The following LRMDA variants were observed in gnomAD, a reference collection of about 807,000 sequenced individuals.
LRMDA encodes leucine-rich melanocyte differentiation-associated protein.
A neutral mutation model predicts 29.8 loss-of-function variants in LRMDA; 18 were observed. That is an observed-to-expected ratio of 0.60 (90% confidence interval 0.42 to 0.90). LRMDA has a LOEUF of 0.90. LRMDA is among the 40% of genes least tolerant of loss of function. The probability of loss-of-function intolerance (pLI) is 0.00; values close to 1 mark genes in which losing one functional copy is unlikely to be tolerated. For synonymous variants in LRMDA, 125 were observed against 109.4 expected, an observed-to-expected ratio of 1.14 and a Z score of -0.89; for missense variants, 273 against 273.9, an observed-to-expected ratio of 1.00 and a Z score of 0.02.
At chr10:76,299,458 C>T (rs924611072) in intron 5 of LRMDA, among the ~76,000 whole-genome samples, 2 of 152,088 alleles carry the variant, frequency 1.3e-5, no homozygotes, top group Non-Finnish European at 2.9e-5. Flanking sequence ...AAGGTTTTAC[C>T]TGGACCCAGA....
intron 5 of LRMDA, among the ~76,000 whole-genome samples, chr10:76,310,577 T>C (rs1413582238): frequency 1.3e-5 from 2 of 152,202 alleles, no homozygotes; most frequent in African/African-American, 4.8e-5. Context: ...CTGAGTTTTG[T>C]TTCTAAGCTG....
intron 5 of LRMDA, among the ~76,000 whole-genome samples, chr10:76,313,152 G>A (rs1214289019): frequency 6.6e-6 from 1 of 152,176 alleles, no homozygotes; most frequent in Non-Finnish European, 1.5e-5. Context: ...GAACTTAAGT[G>A]AGAGCTTTGT....
intron 5 of LRMDA, among the ~76,000 whole-genome samples, chr10:76,073,578 T>A (rs1848909262): frequency 6.6e-6 from 1 of 152,196 alleles, no homozygotes; most frequent in Non-Finnish European, 1.5e-5. Flanking sequence ...TGTGTATGTG[T>A]GTTTCCTTTA....
intron 2 of LRMDA, among the ~76,000 whole-genome samples, chr10:75,517,606 A>G (rs191044872): frequency 5.8e-4 from 88 of 152,280 alleles, no homozygotes; most frequent in African/African-American, 1.9e-3. Context: ...TGGGGCTGAG[A>G]TGATGGGGTT....
chr10:76,039,198 T>A (rs1848302202), intron 3 of LRMDA, among the ~76,000 whole-genome samples: 1 of 152,236 alleles, frequency 6.6e-6, no homozygotes, highest in Non-Finnish European at 1.5e-5. Flanking sequence ...ACAGGGTGTA[T>A]GTATAAAGAA....
chr10:76,201,034 A>T (rs940812178), intron 5 of LRMDA, among the ~76,000 whole-genome samples: 1 of 147,210 alleles, frequency 6.8e-6, no homozygotes, highest in African/African-American at 2.5e-5. Flanking sequence ...TTTATTTCGT[A>T]ACGCTTAGTG....
chr10:76,323,211 G>A (rs1292157316), intron 5 of LRMDA, among the ~76,000 whole-genome samples: 1 of 152,056 alleles, frequency 6.6e-6, no homozygotes, highest in Admixed American at 6.6e-5. Context: ...CACTCTTCCT[G>A]TAAGTCTCCA....
chr10:75,699,840 G>C (rs1025000441), intron 2 of LRMDA, among the ~76,000 whole-genome samples: 11 of 152,220 alleles, frequency 7.2e-5, no homozygotes, highest in Non-Finnish European at 1.6e-4. Flanking sequence ...GTGGGACCCA[G>C]ATACAATCCC....
Position 75,905,425 on chromosome 10 carries a change from T to C in LRMDA, c.132-130583T>C, listed in dbSNP as rs116463074. Among the ~76,000 whole-genome samples, 728 of 152,032 alleles carry C rather than the reference T, an allele frequency of 4.8e-3. 8 individuals carry two copies. The highest frequency in any genetic ancestry group is 0.017 in the African/African-American group (708 of 41,478). On this transcript the variant is annotated intron_variant, in intron 2 of 6. Coordinates refer to ENST00000611255, the MANE Select transcript of LRMDA (RefSeq NM_001305581.2). ...ATGTTTTGAAATAGCTAAAAAAGAATAATTCAAATGCTTCTAGCATAAAGA... is the reference window on the plus strand; with the variant it reads ...ATGTTTTGAAATAGCTAAAAAAGAACAATTCAAATGCTTCTAGCATAAAGA...
chr10:76,177,353 A>AT (rs11404811), intron 5 of LRMDA, among the ~76,000 whole-genome samples: 24,666 of 151,976 alleles, frequency 0.16, 2,757 homozygotes, highest in East Asian at 0.52. Context: ...AAAGCTGACA[A>AT]TTTTCAACTA....
intron 2 of LRMDA, among the ~76,000 whole-genome samples, chr10:75,442,953 C>T (rs1320533563): frequency 6.6e-6 from 1 of 151,754 alleles, no homozygotes; most frequent in Admixed American, 6.6e-5. Flanking sequence ...AAATTTTATT[C>T]CTATAAAATA....
intron 6 of LRMDA, among the ~76,000 whole-genome samples, chr10:76,392,892 A>G (rs764729735): frequency 6.6e-6 from 1 of 152,034 alleles, no homozygotes; most frequent in African/African-American, 2.4e-5. Flanking sequence ...CTCTGCTTCA[A>G]TGAGTTTAAC....
intron 2 of LRMDA, among the ~76,000 whole-genome samples, chr10:75,893,247 T>C (rs1458681379): frequency 6.6e-6 from 1 of 152,104 alleles, no homozygotes; most frequent in Non-Finnish European, 1.5e-5. Context: ...GCTCAGTGGG[T>C]GCTAGGCATA....
intron 2 of LRMDA, among the ~76,000 whole-genome samples, chr10:75,802,092 G>A (rs1843752928): frequency 2.0e-5 from 3 of 152,094 alleles, no homozygotes; most frequent in African/African-American, 7.2e-5. Flanking sequence ...TGAGGCAGGA[G>A]GACTTCTTGA....
At position 76,090,189 on chromosome 10, in the gene LRMDA, C is replaced by T. The variant is rs189153178; in HGVS notation, c.516+31406C>T. ...GTGCAGCCCCTCCGAGCAGTGAGGA[C>T]CCAGGCGCCATTGCCTGGACTGCCT... is the stretch of plus-strand genomic sequence containing the variant. On this transcript the variant is annotated intron_variant, in intron 5 of 6. Coordinates refer to ENST00000611255, the MANE Select transcript of LRMDA (RefSeq NM_001305581.2). Among the ~76,000 whole-genome samples the T allele has an allele frequency of 1.4e-4, 22 of 152,252 alleles. No homozygotes were observed. In the East Asian group the frequency reaches 4.3e-3, roughly 29 times the overall value.
At chr10:75,966,113 A>G (rs948696894) in intron 2 of LRMDA, among the ~76,000 whole-genome samples, 7 of 152,218 alleles carry the variant, frequency 4.6e-5, no homozygotes, top group African/African-American at 1.7e-4. Flanking sequence ...TCTTCCTATC[A>G]TCCACTAAAG....
intron 2 of LRMDA, among the ~76,000 whole-genome samples, chr10:75,952,909 C>T (rs1227416146): frequency 6.6e-6 from 1 of 152,030 alleles, no homozygotes; most frequent in Non-Finnish European, 1.5e-5. Context: ...TGCACACCAC[C>T]ATGCCCAGCT....
At chr10:76,047,071 A>G in intron 3 of LRMDA, 93 bp from the exon 4 acceptor site, 2 of 1,366,370 alleles carry the variant, frequency 1.5e-6, no homozygotes, top group South Asian at 2.5e-5. Context: ...GTCTCACAGG[A>G]GCAGACTGGA....
chr10:75,556,688 G>A (rs4075828), intron 2 of LRMDA, among the ~76,000 whole-genome samples: 95,126 of 150,952 alleles, frequency 0.63, 32,210 homozygotes, highest in East Asian at 0.85. Context: ...GTGTATGCAT[G>A]TATAGTATAT....
Sources: gnomAD v4.1 joint callset for allele counts (sites outside exome capture counted in the v4.1 genomes callset) on GRCh38, gnomAD v4.1.1 for gene constraint, MANE v1.5 for transcripts, NCBI Gene and HGNC (gene_info 2026-07-23, HGNC 2026-07-21) for gene names.